Variants in VPS13C observed in about 807,000 individuals in gnomAD.
VPS13C encodes intermembrane lipid transfer protein VPS13C.
A neutral mutation model predicts 456.8 loss-of-function variants in VPS13C; 358 were observed. The ratio of observed to expected loss-of-function variants is 0.78; its 90% CI spans 0.72 to 0.86. The LOEUF is 0.86. Ranked by LOEUF, VPS13C falls within the 40% of genes least tolerant of loss-of-function variation. The probability of loss-of-function intolerance (pLI) is 0.00; values close to 1 mark genes in which losing one functional copy is unlikely to be tolerated. For missense variants in VPS13C, 4,818 were observed against 4,385.4 expected, an observed-to-expected ratio of 1.10 and a Z score of -2.79; for synonymous variants, 1,578 against 1,486.7, an observed-to-expected ratio of 1.06 and a Z score of -1.41.
intron 81 of VPS13C, chr15:61,866,671 T>G (rs2140861061): frequency 1.0e-6 from 1 of 985,224 alleles, no homozygotes; most frequent in African/African-American, 1.7e-5. Flanking sequence ...CAGCTACTTT[T>G]AACAGTTACA....
rs748892767 is a variant in VPS13C, at chr15:61,981,358, T to C, written c.2150A>G (p.Asp717Gly). 1.7e-5 allele frequency: 27 copies of C among 1,609,184 alleles called. 2 individuals are homozygous for C. The South Asian group carries it at 3.0e-4, about 18-fold the overall frequency. The change falls in exon 22 of 85, where the codon GAT becomes GGT. Residue 717 changes from aspartate to glycine, a missense_variant. By Grantham distance (94) the Asp-to-Gly change is moderately conservative (BLOSUM62 -1). This residue lies in a region of VPS13C where 4,552 missense variants were observed against 4,130.6 expected (regional missense o/e 1.10). Transcript: ENST00000644861. ...HHEKSDLLILDFGTFQLNSKD... is the reference protein window; with the variant it reads ...HHEKSDLLILGFGTFQLNSKD... Reference sequence around the variant, plus strand: ...TATACCTACCTGAAATGTACCAAAATCTAAAATCAGAAGATCTGACTTTTC... The same window carrying C: ...TATACCTACCTGAAATGTACCAAAACCTAAAATCAGAAGATCTGACTTTTC...
In VPS13C at chr15:62,007,396, T is replaced by C; in HGVS notation, c.1202A>G (p.His401Arg). The change falls in exon 15 of 85, where the codon CAC (histidine) becomes CGC (arginine). Residue 401 changes from histidine to arginine, a missense_variant. By Grantham distance (29) the His-to-Arg change is conservative (BLOSUM62 0). Transcript: ENST00000644861. ...TTTATAACTCTTGAGTAACTGCCTG[T>C]GCTTTTTTATGTTACTCCATGACCA... Reference protein sequence around the residue: ...QMWSWSNIKKHRQLLKSYKIA... With the variant: ...QMWSWSNIKKRRQLLKSYKIA... 3 of 1,613,202 alleles carry C rather than the reference T, an allele frequency of 1.9e-6. No individual in the cohort carries two copies. The highest frequency in any genetic ancestry group is 2.5e-6 in the Non-Finnish European group (3 of 1,179,558).
chr15:61,866,076 T>C (rs1272201826), intron 81 of VPS13C: 6 of 984,844 alleles, frequency 6.1e-6, no homozygotes, highest in Non-Finnish European at 7.2e-6. Context: ...TTCTTTTGTA[T>C]ATCCAGTACA....
rs752816472 is a variant in VPS13C at position 61,910,233 on chromosome 15, T to C, written c.8788A>G (p.Lys2930Glu). The C allele has an allele frequency of 6.6e-7, 1 of 1,519,438 alleles. No individual in the cohort carries two copies. The highest frequency in any genetic ancestry group is 8.9e-7 in the Non-Finnish European group (1 of 1,127,084). The allele number at this position is 1,519,438 out of a possible 1,614,324, so 94.1% of individuals were successfully genotyped here. The change falls in exon 64 of 85, where the codon AAA becomes GAA. Residue 2930 changes from lysine to glutamate, a missense_variant. By Grantham distance (56) the Lys-to-Glu change is moderately conservative. Around this residue, in one of 3 missense-constraint regions of VPS13C, gnomAD observed 4,552 missense variants for 4,130.6 expected, o/e 1.10. Transcript: ENST00000644861. ...VRVVGCEGSS[K>E]PFFYNRQDNG... Reference sequence around the variant, plus strand: ...TCCTGTCGGTTATAAAAGAATGGTTTGGAAGATCCTTCACAGCCCACCACT... The same window carrying C: ...TCCTGTCGGTTATAAAAGAATGGTTCGGAAGATCCTTCACAGCCCACCACT...
chr15:62,023,813 T>G lies in VPS13C; in HGVS notation c.481A>C (p.Lys161Gln). The G allele has an allele frequency of 6.2e-7, 1 of 1,611,032 alleles. No homozygotes were observed. Among genetic ancestry groups the G allele is most frequent in the Non-Finnish European group, 8.5e-7 (1 of 1,178,310 alleles). Reference protein sequence around the residue: ...RKRKKHKKHFKKPFKGLDRSK... With the variant: ...RKRKKHKKHFQKPFKGLDRSK... ...CGATCAAGACCTTTAAAAGGTTTCT[T>G]AAAATGTTTTTTGTGCTTTTTACGT... Residue 161 changes from lysine (K) to glutamine (Q), a missense_variant, in exon 7 of 85, where the codon AAG (lysine) becomes CAG (glutamine). By Grantham distance (53) the Lys-to-Gln change is moderately conservative (BLOSUM62 1). Coordinates refer to ENST00000644861, the MANE Select transcript of VPS13C (RefSeq NM_020821.3).
intron 22 of VPS13C, among the ~76,000 whole-genome samples, chr15:61,980,970 A>T (rs2045866851): frequency 6.6e-6 from 1 of 152,222 alleles, no homozygotes. Context: ...TTAGTTACTG[A>T]CAGTGGTTTA....
chr15:61,946,704 C>T (rs1954216365), intron 43 of VPS13C, among the ~76,000 whole-genome samples: 1 of 150,420 alleles, frequency 6.6e-6, no homozygotes, highest in African/African-American at 2.4e-5. Context: ...GAAAATTAAT[C>T]ACATTTCTCC....
At chr15:62,014,063 A>G (rs1019603325) in intron 9 of VPS13C, 71 bp from the exon 10 acceptor site, 20 of 1,079,570 alleles carry the variant, frequency 1.9e-5, no homozygotes, top group African/African-American at 3.1e-5. Context: ...TACTTACATA[A>G]TGTAACAAAA....
At chr15:62,058,939 A>AC (rs1555454954) in intron 1 of VPS13C, among the ~76,000 whole-genome samples, 1 of 143,416 alleles carries the variant, frequency 7.0e-6, no homozygotes, top group Non-Finnish European at 1.5e-5. Flanking sequence ...CAAAAAAAAA[A>AC]AACAACAACA....
chr15:62,008,435 T>C (rs2046927342), intron 14 of VPS13C, among the ~76,000 whole-genome samples: 1 of 151,698 alleles, frequency 6.6e-6, no homozygotes, highest in Non-Finnish European at 1.5e-5. Context: ...GGAGCAGAAA[T>C]ACAAGTGGAT....
At chr15:62,042,700 A>C (rs953711938) in intron 2 of VPS13C, among the ~76,000 whole-genome samples, 1 of 152,092 alleles carries the variant, frequency 6.6e-6, no homozygotes, top group African/African-American at 2.4e-5. Flanking sequence ...AAATGTAAAT[A>C]ACCCATATAA....
At chr15:62,042,826 C>CAA (rs900100032) in intron 2 of VPS13C, among the ~76,000 whole-genome samples, 2 of 151,746 alleles carry the variant, frequency 1.3e-5, no homozygotes, top group Non-Finnish European at 2.9e-5. Flanking sequence ...AATGACAAGT[C>CAA]AAAGGGTGCA....
chr15:62,015,091 T>C (rs573634232), intron 9 of VPS13C, among the ~76,000 whole-genome samples: 22 of 152,294 alleles, frequency 1.4e-4, no homozygotes, highest in Non-Finnish European at 3.1e-4. Context: ...TTTGTATTTT[T>C]TGCATTGTCT....
At chr15:61,983,284 G>GAACCATATCCAT (rs1275353376) in intron 20 of VPS13C, among the ~76,000 whole-genome samples, 1 of 152,132 alleles carries the variant, frequency 6.6e-6, no homozygotes. Flanking sequence ...AATGAGTAGT[G>GAACCATATCCAT]AACCATATCC....
intron 16 of VPS13C, among the ~76,000 whole-genome samples, chr15:61,999,741 T>C (rs2046536017): frequency 6.7e-6 from 1 of 150,006 alleles, no homozygotes; most frequent in African/African-American, 2.5e-5. Flanking sequence ...AAGGCATCAA[T>C]AAATAAGCAG....
chr15:61,958,458 A>G, intron 37 of VPS13C, 150 bp downstream of exon 37: 1 of 514,304 alleles, frequency 1.9e-6, no homozygotes, highest in Non-Finnish European at 3.4e-6. Context: ...TCCAAATATG[A>G]TTTCATTCAA....
intron 3 of VPS13C, among the ~76,000 whole-genome samples, chr15:62,036,310 A>G (rs2140666035): frequency 6.6e-6 from 1 of 152,176 alleles, no homozygotes; most frequent in Admixed American, 6.5e-5. Flanking sequence ...GAAAATGCTC[A>G]AAGTTCAAAG....
At chr15:62,047,303 A>G (rs1169123385) in intron 1 of VPS13C, among the ~76,000 whole-genome samples, 1 of 151,994 alleles carries the variant, frequency 6.6e-6, no homozygotes, top group African/African-American at 2.4e-5. Flanking sequence ...GCATGGTGGC[A>G]TGAGCCTGTA....
chr15:61,906,900 A>G (rs1396370248), intron 66 of VPS13C: 2 of 224,710 alleles, frequency 8.9e-6, no homozygotes, highest in African/African-American at 4.6e-5. Context: ...AGCTGTGCTT[A>G]GGAAAACAAG....
Sources: allele counts gnomAD v4.1 joint callset (sites outside exome capture counted in the v4.1 genomes callset), GRCh38; gene constraint gnomAD v4.1.1; regional missense constraint gnomAD v4.1.1; transcripts MANE v1.5; gene names NCBI Gene and HGNC (gene_info 2026-07-23, HGNC 2026-07-21).